Variants in DAB1 observed in about 807,000 individuals in gnomAD.
The protein encoded by DAB1 is DAB adaptor protein 1, also known as disabled homolog 1.
DAB1 carries 15 observed loss-of-function variants against 64.6 expected under a neutral mutation model. The observed-to-expected ratio is 0.23, with a 90% CI of 0.16 to 0.36. The LOEUF (loss-of-function observed/expected upper bound fraction) is 0.36, where lower values mean the gene tolerates loss of function less well. Ranked by LOEUF, DAB1 falls within the 10% of genes least tolerant of loss-of-function variation. The pLI, the probability that DAB1 is intolerant of heterozygous loss-of-function variation, is 1.00. For synonymous variants in DAB1, 235 were observed against 251.9 expected (o/e 0.93, Z 0.64); for missense variants, 596 against 706.7 (o/e 0.84, Z 1.78).
chr1:57,506,257 G>T (rs1644342088), intron 7 of DAB1, among the ~76,000 whole-genome samples: 1 of 152,134 alleles, frequency 6.6e-6, no homozygotes, highest in Non-Finnish European at 1.5e-5. Flanking sequence ...TTTATTTATA[G>T]TCTCCATTGA....
chr1:58,106,049 T>C (rs1204767962), intron 5 of DAB1, among the ~76,000 whole-genome samples: 1 of 151,954 alleles, frequency 6.6e-6, no homozygotes, highest in Non-Finnish European at 1.5e-5. Flanking sequence ...TTTTAAAATA[T>C]AGTGTTGTTG....
At chr1:57,872,529 C>A (rs1314829484) in intron 1 of DAB1, among the ~76,000 whole-genome samples, 1 of 152,154 alleles carries the variant, frequency 6.6e-6, no homozygotes, top group East Asian at 1.9e-4. Flanking sequence ...TATAGCAACT[C>A]AAATGGACTA....
chr1:58,002,692 C>CAGAG (rs567860014), intron 5 of DAB1, among the ~76,000 whole-genome samples: 1 of 151,326 alleles, frequency 6.6e-6, no homozygotes, highest in East Asian at 1.9e-4. Flanking sequence ...GAGAGAGAGA[C>CAGAG]AGAGAGAGAG....
At chr1:57,902,967 G>A (rs554346313) in intron 5 of DAB1, among the ~76,000 whole-genome samples, 2 of 152,210 alleles carry the variant, frequency 1.3e-5, no homozygotes, top group African/African-American at 4.8e-5. Flanking sequence ...CACATGGTTG[G>A]GGAGGCCTCA....
At chr1:57,543,873 C>T (rs1361475557) in intron 7 of DAB1, among the ~76,000 whole-genome samples, 1 of 152,122 alleles carries the variant, frequency 6.6e-6, no homozygotes, top group Non-Finnish European at 1.5e-5. Flanking sequence ...GAGGCCACAG[C>T]CAGAGGATTG....
chr1:57,095,913 A>G (rs512403), intron 4 of DAB1, among the ~76,000 whole-genome samples: 105,952 of 151,988 alleles, frequency 0.7, 38,015 homozygotes, highest in East Asian at 0.93. Context: ...AATATGAGAA[A>G]GAATAATGCT....
rs145156428 is a variant in DAB1 at position 58,515,322 on chromosome 1, A to C, written n.108-9113T>G. On this transcript the variant is annotated intron_variant and non_coding_transcript_variant, in intron 2 of 20. Transcript: ENST00000485760. The stretch of plus-strand genomic sequence containing the variant: ...AAAATACTTCATGTGCTCCAACATA[A>C]AAATGAAAGACATATGTTGGTCATT... Among the ~76,000 whole-genome samples, 535 of 152,360 alleles carry C rather than the reference A, an allele frequency of 3.5e-3. 5 individuals are homozygous for C. The highest frequency in any genetic ancestry group is 0.012 in the African/African-American group (514 of 41,586).
intron 3 of DAB1, among the ~76,000 whole-genome samples, chr1:58,450,529 C>T (rs892900004): frequency 1.7e-4 from 26 of 152,192 alleles, no homozygotes; most frequent in Non-Finnish European, 3.5e-4. Context: ...CCGAGGCGGG[C>T]GGATCACAAG....
Position 57,464,645 on chromosome 1 carries a change from G to A in DAB1, n.626-173479C>T, listed in dbSNP as rs61770764. Among the ~76,000 whole-genome samples the A allele has an allele frequency of 4.1e-3, 622 of 152,232 alleles. 3 individuals are homozygous for A. Among genetic ancestry groups the A allele is most frequent in the Non-Finnish European group, 6.9e-3 (470 of 68,010 alleles). On this transcript the variant is annotated intron_variant and non_coding_transcript_variant, in intron 7 of 20. Transcript: ENST00000485760. ...TCTCAAATGAAAGAAGGGGGAAAAG[G>A]TATATTAAACACTTCAAGCAGCCAT...
chr1:57,428,776 C>T (rs925028114), upstream of DAB1, among the ~76,000 whole-genome samples: 6 of 149,444 alleles, frequency 4.0e-5, no homozygotes, highest in African/African-American at 1.5e-4. Context: ...TACAGTCCCA[C>T]CAACAGCGTA....
At chr1:57,571,919 T>G (rs748961681) in intron 7 of DAB1, among the ~76,000 whole-genome samples, 1 of 152,166 alleles carries the variant, frequency 6.6e-6, no homozygotes, top group African/African-American at 2.4e-5. Flanking sequence ...CTCATCCTCA[T>G]GGGGTGATCT....
chr1:57,834,903 C>T lies in DAB1; in HGVS notation n.88-8448G>A, dbSNP rs559559965. Among the ~76,000 whole-genome samples, 4 of 152,218 alleles carry T rather than the reference C, an allele frequency of 2.6e-5. No homozygotes were observed. In the South Asian group the frequency reaches 8.3e-4, roughly 32 times the overall value. On this transcript the variant is annotated intron_variant and non_coding_transcript_variant, in intron 1 of 1. Transcript: ENST00000477280. ...CAGGGAACAGGATAACCCAGGCCCT[C>T]CTTCCCAAGTCTATTTTCCCCACCT... is the stretch of plus-strand genomic sequence containing the variant.
rs113270214 is a variant in DAB1, at chr1:57,346,606, A to G, written c.-136-55440T>C. Among the ~76,000 whole-genome samples the G allele has an allele frequency of 1.2e-3, 189 of 152,292 alleles. 2 individuals carry two copies. The highest frequency in any genetic ancestry group is 4.2e-3 in the African/African-American group (176 of 41,570). On this transcript the variant is annotated intron_variant, in intron 1 of 14. Coordinates refer to ENST00000371236, the MANE Select transcript of DAB1 (RefSeq NM_001365792.1). ...ATTTATTGTCATCTCAGTATACCAA[A>G]AATGGAAGCTCTCCTTTGACATGGA...
intron 5 of DAB1, among the ~76,000 whole-genome samples, chr1:57,941,202 T>A (rs1645099132): frequency 6.6e-6 from 1 of 152,212 alleles, no homozygotes; most frequent in Non-Finnish European, 1.5e-5. Flanking sequence ...AGCGCAGATT[T>A]GGGTCTCACA....
intron 1 of DAB1, among the ~76,000 whole-genome samples, chr1:57,412,993 C>A (rs1042916343): frequency 1.3e-5 from 2 of 152,188 alleles, no homozygotes; most frequent in South Asian, 2.1e-4. Flanking sequence ...AAAAGACAGA[C>A]TGACTCTATC....
rs181641573 is a variant in DAB1 at position 57,482,184 on chromosome 1, G to A, written n.625+167408C>T. ...GACAGAGAGCAGAGGTGAGCCACAC[G>A]AAATCTAAGTTCGCATGAAAGAGCG... On this transcript the variant is annotated intron_variant and non_coding_transcript_variant, in intron 7 of 20. Transcript: ENST00000485760. 5.1e-4 allele frequency among the ~76,000 whole-genome samples: 77 copies of A among 152,158 alleles called. No individual in the cohort carries two copies. In the Middle Eastern group the frequency reaches 0.017, roughly 34 times the overall value.
At chr1:58,141,910 C>G (rs1654306616) in intron 5 of DAB1, among the ~76,000 whole-genome samples, 1 of 152,170 alleles carries the variant, frequency 6.6e-6, no homozygotes. Flanking sequence ...CCGCCTTTCC[C>G]TGACCAACTT....
intron 1 of DAB1, among the ~76,000 whole-genome samples, chr1:57,868,861 T>A (rs1654416056): frequency 6.6e-6 from 1 of 152,098 alleles, no homozygotes; most frequent in African/African-American, 2.4e-5. Context: ...TACCTCTGTG[T>A]CTTGACTCTT....
intron 4 of DAB1, among the ~76,000 whole-genome samples, chr1:57,075,449 G>A (rs868325419): frequency 6.6e-6 from 1 of 152,146 alleles, no homozygotes; most frequent in Admixed American, 6.6e-5. Context: ...TGCTCTGAAC[G>A]TGTCTCATTC....
Sources: gnomAD v4.1 joint callset for allele counts (sites outside exome capture counted in the v4.1 genomes callset) on GRCh38, gnomAD v4.1.1 for gene constraint, MANE v1.5 for transcripts, NCBI Gene and HGNC (gene_info 2026-07-23, HGNC 2026-07-21) for gene names.